SRCAP: variants seen among roughly 807,000 people sequenced by gnomAD.
SRCAP encodes the protein Snf2 related CREBBP activator protein.
SRCAP carries 46 observed loss-of-function variants against 263.1 expected under a neutral mutation model. The ratio of observed to expected loss-of-function variants is 0.17; its 90% CI spans 0.14 to 0.22. The LOEUF is 0.22. Among genes scored for constraint, SRCAP ranks in the 10% least tolerant of loss-of-function variants. The pLI, the probability that SRCAP is intolerant of heterozygous loss-of-function variation, is 1.00. For missense variants in SRCAP, 3,695 were observed against 4,181.9 expected (o/e 0.88, Z 3.21); for synonymous variants, 1,813 against 1,662.1 (o/e 1.09, Z -2.21).
rs767145876 is a variant in SRCAP, at chr16:30,739,485, C to T, written c.9445C>T (p.Pro3149Ser). ...AGCAGGGGCCCCAGTTGGTGGGAGT[C>T]CTGGGCTGGCAAAGCGGGGCCGCCT... ...KRAGAPVGGSPGLAKRGRLQP... is the reference protein window; with the variant it reads ...KRAGAPVGGSSGLAKRGRLQP... The change falls in exon 34 of 34, where the codon CCT becomes TCT. Residue 3149 changes from proline to serine, a missense_variant. By Grantham distance (74) the Pro-to-Ser change is moderately conservative. This residue lies in a region of SRCAP where 1,207 missense variants were observed against 1,142.9 expected (regional missense o/e 1.06). Transcript: ENST00000262518. The T allele has an allele frequency of 2.5e-6, 4 of 1,613,806 alleles. No homozygotes were observed. The African/African-American group carries it at 4.0e-5, about 16-fold the overall frequency.
chr16:30,736,631 A>T lies in SRCAP; in HGVS notation c.7008+7A>T. The stretch of plus-strand genomic sequence containing the variant: ...GGAGCTCAAACAGGCAGAAGTGAGT[A>T]TTTCCAGGGGTGGGGCTGGCAGTTG... On this transcript the variant is annotated splice_region_variant and intron_variant, in intron 33 of 33. Coordinates refer to ENST00000262518, the MANE Select transcript of SRCAP (RefSeq NM_006662.3). 1 of 1,613,918 alleles carries T rather than the reference A, an allele frequency of 6.2e-7. No individual in the cohort carries two copies.
rs768475929 is a variant in SRCAP, at chr16:30,711,037, T to C, written c.1267T>C (p.Leu423=). 6.8e-6 allele frequency: 11 copies of C among 1,613,960 alleles called. No homozygotes were observed. The highest frequency in any genetic ancestry group is 2.2e-5 in the East Asian group (1 of 44,886). ...GGATACTATAGCAGCTGAGGAACAGTTGGAAGGGGAGGTGGATCATGCCAT... is the reference window on the plus strand; with the variant it reads ...GGATACTATAGCAGCTGAGGAACAGCTGGAAGGGGAGGTGGATCATGCCAT... ...EEDTIAAEEQ[L]EGEVDHAMEL... The change falls in exon 10 of 34, where the codon TTG becomes CTG. Residue 423 remains leucine (L), a synonymous_variant. Transcript: ENST00000262518.
rs1419441239 is a variant in SRCAP, at chr16:30,737,126, G to A, written c.7086G>A (p.Glu2362=). 1.2e-6 allele frequency: 2 copies of A among 1,613,848 alleles called. No individual in the cohort carries two copies. Among genetic ancestry groups the A allele is most frequent in the Non-Finnish European group, 1.7e-6 (2 of 1,179,826 alleles). Reference sequence around the variant, plus strand: ...TCCGCCTACCCCAAGAGGAGGAGGAGGGGCCGGGGGCTGGGGATGAGAGTT... The same window carrying A: ...TCCGCCTACCCCAAGAGGAGGAGGAAGGGCCGGGGGCTGGGGATGAGAGTT... ...EVFRLPQEEE[E]GPGAGDESSC... is the part of the protein sequence containing the mutation. The change falls in exon 34 of 34, where the codon GAG becomes GAA. Residue 2362 remains glutamate (E), a synonymous_variant. Coordinates refer to ENST00000262518, the MANE Select transcript of SRCAP (RefSeq NM_006662.3).
chr16:30,730,638 G>A (rs376278124), intron 27 of SRCAP, among the ~76,000 whole-genome samples: 2 of 151,768 alleles, frequency 1.3e-5, no homozygotes, highest in South Asian at 4.2e-4. Context: ...CACCATGTTG[G>A]TCAGGCTGGT....
chr16:30,735,195 G>A (rs1037383287), intron 31 of SRCAP, among the ~76,000 whole-genome samples: 5 of 142,680 alleles, frequency 3.5e-5, no homozygotes, highest in African/African-American at 1.4e-4. Flanking sequence ...CGCCCAGGCT[G>A]GAGTGCAGTG....
At chr16:30,714,589 CT>C (rs2052927622) in intron 16 of SRCAP, among the ~76,000 whole-genome samples, 1 of 140,056 alleles carries the variant, frequency 7.1e-6, no homozygotes, top group Admixed American at 8.1e-5. Context: ...CAACCTCCAC[CT>C]CCCAGGTTCA....
In SRCAP at chr16:30,724,906, T is replaced by C; in HGVS notation, c.5482T>C (p.Ser1828Pro). The C allele has an allele frequency of 6.2e-7, 1 of 1,614,222 alleles. No individual in the cohort carries two copies. Among genetic ancestry groups the C allele is most frequent in the Non-Finnish European group, 8.5e-7 (1 of 1,180,036 alleles). Residue 1828 changes from serine to proline, a missense_variant, in exon 25 of 34, where the codon TCT (serine) becomes CCT (proline). Coordinates refer to ENST00000262518, the MANE Select transcript of SRCAP (RefSeq NM_006662.3). ...GGCATCTTCCCTTGTGGTTTCGGCA[T>C]CTGGTGCCGCTCCCTTGCCTGTCAC... ...SQASSLVVSASGAAPLPVTMV... is the reference protein window; with the variant it reads ...SQASSLVVSAPGAAPLPVTMV...
intron 18 of SRCAP, among the ~76,000 whole-genome samples, chr16:30,719,804 G>A (rs1353237755): frequency 2.6e-5 from 4 of 152,134 alleles, no homozygotes; most frequent in Non-Finnish European, 5.9e-5. Context: ...TTGAGCCACC[G>A]TGCCTAGCCT....
In SRCAP at chr16:30,733,925, A is replaced by G; in HGVS notation, c.6526A>G (p.Ile2176Val). ...LISERTVEEN[I>V]LKKANQKRML... Reference sequence around the variant, plus strand: ...CAGTGAACGGACAGTGGAGGAGAACATCCTAAAAAAGGCAAATCAGAAGAG... The same window carrying G: ...CAGTGAACGGACAGTGGAGGAGAACGTCCTAAAAAAGGCAAATCAGAAGAG... The change falls in exon 30 of 34, where the codon ATC (isoleucine) becomes GTC (valine). Residue 2176 changes from isoleucine (I) to valine (V), a missense_variant. By Grantham distance (29) the Ile-to-Val change is conservative (BLOSUM62 3). Around this residue, in one of 12 missense-constraint regions of SRCAP, gnomAD observed 138 missense variants for 254.9 expected, o/e 0.54. Coordinates refer to ENST00000262518, the MANE Select transcript of SRCAP (RefSeq NM_006662.3). The surrounding 1 kb of genome is among the most constrained non-coding windows in gnomAD (Gnocchi z 5.3). The G allele has an allele frequency of 6.2e-7, 1 of 1,614,098 alleles. No homozygotes were observed. Among genetic ancestry groups the G allele is most frequent in the Non-Finnish European group, 8.5e-7 (1 of 1,180,016 alleles).
chr16:30,733,290 G>A lies in SRCAP; in HGVS notation c.6138G>A (p.Gln2046=), dbSNP rs368881962. 3 of 1,613,762 alleles carry A rather than the reference G, an allele frequency of 1.9e-6. No homozygotes were observed. Among genetic ancestry groups the A allele is most frequent in the Non-Finnish European group, 2.5e-6 (3 of 1,180,036 alleles). The change falls in exon 28 of 34, where the codon CAG becomes CAA. Residue 2046 remains glutamine (Q), a synonymous_variant. Coordinates refer to ENST00000262518, the MANE Select transcript of SRCAP (RefSeq NM_006662.3). The surrounding 1 kb of genome is among the most constrained non-coding windows in gnomAD (Gnocchi z 5.3). ...TTCATATCTCTTTAGGAAAGTTGCA[G>A]ACGTTGGCAGTGCTGTTGCGGCAGC... ...RLIQYDCGKL[Q]TLAVLLRQLK...
intron 18 of SRCAP, 68 bp downstream of exon 18, chr16:30,716,547 C>T (rs925257706): frequency 3.4e-6 from 5 of 1,450,962 alleles, no homozygotes; most frequent in Admixed American, 4.4e-5. Context: ...TACCTCTTTT[C>T]GTTAGACTGG....
chr16:30,711,727 A>G lies in SRCAP; in HGVS notation c.1475A>G (p.Asp492Gly), dbSNP rs775313528. The change falls in exon 11 of 34, where the codon GAT (aspartate) becomes GGT (glycine). Residue 492 changes from aspartate to glycine, a missense_variant. Physicochemically the swap from Asp to Gly is moderately conservative, Grantham distance 94. This residue lies in a region of SRCAP where 288 missense variants were observed against 302.4 expected (regional missense o/e 0.95). Transcript: ENST00000262518. ...PVEAEEPPQE[D>G]SSSQSDSVED... is the part of the protein sequence containing the mutation. ...GAAGCGGAAGAGCCTCCTCAGGAGG[A>G]TAGTAGCAGTCAGTCAGGTGAATAT... 1.2e-6 allele frequency: 2 copies of G among 1,613,090 alleles called. No homozygotes were observed. Among genetic ancestry groups the G allele is most frequent in the South Asian group, 1.1e-5 (1 of 91,008 alleles).
At chr16:30,710,534 T>TA (rs1427232613) in intron 8 of SRCAP, 2 of 758,734 alleles carry the variant, frequency 2.6e-6, no homozygotes, top group Admixed American at 3.4e-5. Context: ...CTTTATTTGT[T>TA]ACCTGGCACT....
Position 30,721,209 on chromosome 16 carries a change from G to T in SRCAP, c.3274G>T (p.Val1092Phe), listed in dbSNP as rs199662633. 3.7e-6 allele frequency: 6 copies of T among 1,611,556 alleles called. No homozygotes were observed. The highest frequency in any genetic ancestry group is 3.3e-5 in the Admixed American group (2 of 59,914). ...TGCAGTGTTGCCATCCCCCCTGGGGGTCCTGAGTGGGACCTCACGGCCTCC... is the reference window on the plus strand; with the variant it reads ...TGCAGTGTTGCCATCCCCCCTGGGGTTCCTGAGTGGGACCTCACGGCCTCC... ...LPQVLPSPLGVLSGTSRPPTP... is the reference protein window; with the variant it reads ...LPQVLPSPLGFLSGTSRPPTP... The change falls in exon 21 of 34, where the codon GTC (valine) becomes TTC (phenylalanine). Residue 1092 changes from valine to phenylalanine, a missense_variant. By Grantham distance (50) the Val-to-Phe change is conservative. Coordinates refer to ENST00000262518, the MANE Select transcript of SRCAP (RefSeq NM_006662.3).
intron 3 of SRCAP, among the ~76,000 whole-genome samples, chr16:30,702,719 C>T (rs1225004867): frequency 6.6e-6 from 1 of 150,584 alleles, no homozygotes; most frequent in African/African-American, 2.4e-5. Flanking sequence ...CAATTCTCTG[C>T]CTCAGACTCC....
intron 3 of SRCAP, among the ~76,000 whole-genome samples, chr16:30,703,853 C>T (rs565862547): frequency 1.5e-4 from 23 of 152,210 alleles, no homozygotes; most frequent in African/African-American, 4.6e-4. Context: ...GCCGAGATCG[C>T]GCCACTGCAC....
rs140120040 is a variant in SRCAP, at chr16:30,738,040, C to T, written c.8000C>T (p.Pro2667Leu). The change falls in exon 34 of 34, where the codon CCA becomes CTA. Residue 2667 changes from proline (P) to leucine (L), a missense_variant. Around this residue, in one of 12 missense-constraint regions of SRCAP, gnomAD observed 1,207 missense variants for 1,142.9 expected, o/e 1.06. Coordinates refer to ENST00000262518, the MANE Select transcript of SRCAP (RefSeq NM_006662.3). The part of the protein sequence containing the change: ...SAASDEPLQE[P>L]LEADRTSEEL... Reference sequence around the variant, plus strand: ...GCATCTGATGAGCCACTTCAGGAGCCACTGGAGGCTGACAGGACCTCGGAA... The same window carrying T: ...GCATCTGATGAGCCACTTCAGGAGCTACTGGAGGCTGACAGGACCTCGGAA... 9 of 1,614,054 alleles carry T rather than the reference C, an allele frequency of 5.6e-6. No individual in the cohort carries two copies. The highest frequency in any genetic ancestry group is 2.2e-5 in the East Asian group (1 of 44,904).
In SRCAP at chr16:30,721,229, G is replaced by T. The variant is rs1399631186; in HGVS notation, c.3294G>T (p.Arg1098=). The T allele has an allele frequency of 2.5e-6, 4 of 1,613,604 alleles. No individual in the cohort carries two copies. The East Asian group carries it at 6.7e-5, about 27-fold the overall frequency. ...SPLGVLSGTS[R]PPTPTLSLKP... ...TGGGGGTCCTGAGTGGGACCTCACG[G>T]CCTCCCACGCCAACCTTGTCCCTAA... The change falls in exon 21 of 34, where the codon CGG becomes CGT. Residue 1098 remains arginine, a synonymous_variant. Coordinates refer to ENST00000262518, the MANE Select transcript of SRCAP (RefSeq NM_006662.3).
In SRCAP at chr16:30,699,181, C is replaced by T; in HGVS notation, c.-345C>T. ...CAGGGGTCACGCGAGGTCAGTCCGT[C>T]GGGAGGGCTAGGGAGATGGTCACGA... is the stretch of plus-strand genomic sequence containing the variant. On this transcript the variant is annotated 5_prime_UTR_variant, in exon 1 of 34. Transcript: ENST00000262518. The T allele has an allele frequency of 5.0e-6, 2 of 398,698 alleles. No individual in the cohort carries two copies. Among genetic ancestry groups the T allele is most frequent in the Non-Finnish European group, 4.4e-6 (1 of 226,154 alleles). The allele number at this position is 398,698 out of a possible 1,614,324, so 24.7% of individuals were successfully genotyped here.
Sources: gnomAD v4.1 joint callset for allele counts (sites outside exome capture counted in the v4.1 genomes callset) on GRCh38, gnomAD v4.1.1 for gene constraint, gnomAD v4.1.1 regional missense constraint, Gnocchi (gnomAD v3.1) non-coding constraint, MANE v1.5 for transcripts, NCBI Gene and HGNC (gene_info 2026-07-23, HGNC 2026-07-21) for gene names.